Variants in ARHGAP6 observed in about 807,000 individuals in gnomAD.
The protein encoded by ARHGAP6 is rho GTPase-activating protein 6.
Under a neutral mutation model 55.7 loss-of-function variants are expected in ARHGAP6, and 16 were observed. That is an observed-to-expected ratio of 0.29 (90% confidence interval 0.19 to 0.44). The LOEUF is 0.44. Among genes scored for constraint, ARHGAP6 ranks in the 20% least tolerant of loss-of-function variants. The pLI, the probability that ARHGAP6 is intolerant of heterozygous loss-of-function variation, is 1.00. For synonymous variants in ARHGAP6, 382 were observed against 360.9 expected (o/e 1.06, Z -0.66); for missense variants, 698 against 808.9 (o/e 0.86, Z 1.66).
At chrX:11,511,859 C>T (rs888023386) in intron 1 of ARHGAP6, among the ~76,000 whole-genome samples, 8 of 111,043 alleles carry the variant, frequency 7.2e-5, no homozygotes, top group African/African-American at 2.6e-4. Context: ...CAGAGTCTCG[C>T]TCTGTCACCC....
chrX:11,319,973 A>G (rs1410176684), intron 1 of ARHGAP6, among the ~76,000 whole-genome samples: 1 of 112,426 alleles, frequency 8.9e-6, no homozygotes, highest in Non-Finnish European at 1.9e-5. Context: ...ACAGAAAAGC[A>G]GATGTTATTC....
intron 1 of ARHGAP6, among the ~76,000 whole-genome samples, chrX:11,488,210 A>G (rs2050530764): frequency 8.9e-6 from 1 of 111,816 alleles, no homozygotes; most frequent in South Asian, 3.7e-4. Flanking sequence ...TACTTAGACA[A>G]TTAGTTAAAC....
chrX:11,274,613 TTC>T (rs1183557612), intron 1 of ARHGAP6, among the ~76,000 whole-genome samples: 1 of 111,786 alleles, frequency 8.9e-6, no homozygotes, highest in Admixed American at 9.5e-5. Flanking sequence ...CACATTTTTT[TTC>T]TGTTTCTTTT....
chrX:11,546,762 AG>A (rs1303544675), intron 1 of ARHGAP6, among the ~76,000 whole-genome samples: 1 of 112,264 alleles, frequency 8.9e-6, no homozygotes, highest in African/African-American at 3.2e-5. Flanking sequence ...TCAAACTCCA[AG>A]AAAAATTTTA....
chrX:11,353,025 C>T (rs752337169), intron 1 of ARHGAP6, among the ~76,000 whole-genome samples: 1 of 111,500 alleles, frequency 9.0e-6, no homozygotes, highest in Non-Finnish European at 1.9e-5. Flanking sequence ...TACTTAGTAC[C>T]GTATCCATCT....
At chrX:11,366,459 C>G (rs1034955819) in intron 1 of ARHGAP6, among the ~76,000 whole-genome samples, 1 of 111,901 alleles carries the variant, frequency 8.9e-6, no homozygotes, top group Admixed American at 9.5e-5. Context: ...TAAATTGTAT[C>G]TATCAAGAAA....
At chrX:11,635,824 A>G (rs2052412117) in intron 1 of ARHGAP6, among the ~76,000 whole-genome samples, 1 of 112,153 alleles carries the variant, frequency 8.9e-6, no homozygotes, top group Non-Finnish European at 1.9e-5. Context: ...TGGGCGTTGC[A>G]ATATACCTAA....
At chrX:11,651,229 A>G (rs1007411672) in intron 1 of ARHGAP6, among the ~76,000 whole-genome samples, 2 of 111,352 alleles carry the variant, frequency 1.8e-5, no homozygotes, top group Non-Finnish European at 3.8e-5. Context: ...AGATTATTTC[A>G]TCACCCAGGT....
intron 2 of ARHGAP6, among the ~76,000 whole-genome samples, chrX:11,242,931 A>G (rs2047304084): frequency 9.0e-6 from 1 of 111,606 alleles, no homozygotes; most frequent in African/African-American, 3.3e-5. Flanking sequence ...AAACTATTAT[A>G]CTACCTATCC....
chrX:11,642,238 G>A (rs1223615568), intron 1 of ARHGAP6, among the ~76,000 whole-genome samples: 1 of 111,241 alleles, frequency 9.0e-6, no homozygotes, highest in Non-Finnish European at 1.9e-5. Flanking sequence ...TTCCAACTTG[G>A]GTGCCATCAC....
chrX:11,429,396 T>A (rs1042132999), intron 1 of ARHGAP6, among the ~76,000 whole-genome samples: 5 of 112,340 alleles, frequency 4.5e-5, no homozygotes, highest in Non-Finnish European at 7.5e-5. Flanking sequence ...ATCTATATCT[T>A]GATCTGTATG....
chrX:11,366,937 A>C (rs1335893670), intron 1 of ARHGAP6, among the ~76,000 whole-genome samples: 1 of 111,042 alleles, frequency 9.0e-6, no homozygotes, highest in African/African-American at 3.3e-5. Flanking sequence ...CCTAAGATGG[A>C]AGTATGTTTA....
chrX:11,148,678 T>A (rs1181230328), intron 10 of ARHGAP6: 2 of 373,810 alleles, frequency 5.4e-6, no homozygotes, highest in Admixed American at 5.1e-5. Flanking sequence ...GGCAGGGTAC[T>A]GTGGGCAGGC....
chrX:11,358,817 T>A (rs1418195837), intron 1 of ARHGAP6, among the ~76,000 whole-genome samples: 1 of 111,917 alleles, frequency 8.9e-6, no homozygotes. Context: ...CAGGTAGCTA[T>A]GAGTGGTCTC....
chrX:11,302,280 C>T (rs1324308630), intron 1 of ARHGAP6, among the ~76,000 whole-genome samples: 1 of 111,968 alleles, frequency 8.9e-6, no homozygotes, highest in Non-Finnish European at 1.9e-5. Flanking sequence ...GCTCTATGTA[C>T]TACTTCTTGA....
At chrX:11,207,808 C>T (rs1203498668) in intron 2 of ARHGAP6, among the ~76,000 whole-genome samples, 1 of 111,784 alleles carries the variant, frequency 8.9e-6, no homozygotes, top group Non-Finnish European at 1.9e-5. Flanking sequence ...CTGAAAACCA[C>T]AGTTTTAAAA....
chrX:11,183,904 A>G (rs5979380), intron 5 of ARHGAP6, among the ~76,000 whole-genome samples: 14 of 111,457 alleles, frequency 1.3e-4, no homozygotes, highest in Non-Finnish European at 1.9e-5. Flanking sequence ...GTCATTGATC[A>G]TTGCCATTGA....
At chrX:11,194,392 C>G (rs779316560) in intron 3 of ARHGAP6, among the ~76,000 whole-genome samples, 1 of 111,602 alleles carries the variant, frequency 9.0e-6, no homozygotes, top group African/African-American at 3.3e-5. Flanking sequence ...GCACTTTAGA[C>G]GCTCTTAAAA....
intron 1 of ARHGAP6, among the ~76,000 whole-genome samples, chrX:11,274,598 G>A (rs2047734097): frequency 9.0e-6 from 1 of 111,677 alleles, no homozygotes; most frequent in African/African-American, 3.3e-5. Context: ...AAACAGCAAA[G>A]GAACCACATT....
Sources: gnomAD v4.1 joint callset for allele counts (sites outside exome capture counted in the v4.1 genomes callset) on GRCh38, gnomAD v4.1.1 for gene constraint, MANE v1.5 for transcripts, NCBI Gene and HGNC (gene_info 2026-07-23, HGNC 2026-07-21) for gene names.